Variants in NKAIN3 observed in about 807,000 individuals in gnomAD.
The protein encoded by NKAIN3 is sodium/potassium transporting ATPase interacting 3.
A neutral mutation model predicts 30.2 loss-of-function variants in NKAIN3; 25 were observed. The ratio of observed to expected loss-of-function variants is 0.83; its 90% confidence interval spans 0.60 to 1.16. The LOEUF is 1.16. NKAIN3 is among the 50% of genes most tolerant of loss of function. The pLI is 0.00. For missense variants in NKAIN3, 225 were observed against 254.1 expected, an observed-to-expected ratio of 0.89 and a Z score of 0.78; for synonymous variants, 91 against 89.6, an observed-to-expected ratio of 1.02 and a Z score of -0.09.
rs113189405 is a variant in NKAIN3 at position 62,295,096 on chromosome 8, C to A, written c.54+45969C>A. ...GGAGGGTATAACAAATCAAGGAGTA[C>A]TTTGAAAGGAGGCACAACCTTAAAT... is the stretch of plus-strand genomic sequence containing the variant. On this transcript the variant is annotated intron_variant, in intron 1 of 6. Transcript: ENST00000623646. Among the ~76,000 whole-genome samples, 944 of 152,234 alleles carry A rather than the reference C, an allele frequency of 6.2e-3. 8 individuals carry two copies. Among genetic ancestry groups the A allele is most frequent in the African/African-American group, 0.022 (901 of 41,530 alleles).
At chr8:62,943,757 ATATAT>A (rs200079391) in intron 5 of NKAIN3, among the ~76,000 whole-genome samples, 1,640 of 147,978 alleles carry the variant, frequency 0.011, 15 homozygotes, top group Non-Finnish European at 0.017. Context: ...TATTTATATG[ATATAT>A]TATATTATAT....
chr8:62,705,342 A>G (rs1312621440), intron 3 of NKAIN3, among the ~76,000 whole-genome samples: 3 of 152,182 alleles, frequency 2.0e-5, no homozygotes, highest in Admixed American at 1.3e-4. Flanking sequence ...AGACCAACTG[A>G]ACAGAGACCC....
At chr8:62,700,989 G>A (rs973518186) in intron 3 of NKAIN3, among the ~76,000 whole-genome samples, 3 of 152,118 alleles carry the variant, frequency 2.0e-5, no homozygotes, top group Non-Finnish European at 4.4e-5. Context: ...TATCTTAACT[G>A]TAAAATTATA....
At chr8:62,860,394 AG>A (rs1303480892) in intron 4 of NKAIN3, among the ~76,000 whole-genome samples, 1 of 152,152 alleles carries the variant, frequency 6.6e-6, no homozygotes, top group Admixed American at 6.6e-5. Context: ...CACTCACTCA[AG>A]GGGCTGTTGA....
At chr8:62,942,811 G>A (rs929128151) in intron 5 of NKAIN3, among the ~76,000 whole-genome samples, 4 of 152,116 alleles carry the variant, frequency 2.6e-5, no homozygotes, top group African/African-American at 9.7e-5. Context: ...ATGGTGCTGG[G>A]ATAATCGGCA....
intron 4 of NKAIN3, among the ~76,000 whole-genome samples, chr8:62,787,387 A>G (rs1255283029): frequency 6.6e-6 from 1 of 152,176 alleles, no homozygotes; most frequent in Non-Finnish European, 1.5e-5. Flanking sequence ...ATAGTCAAAA[A>G]TAAGAGAAAG....
At chr8:62,437,196 C>T (rs1805197529) in intron 1 of NKAIN3, among the ~76,000 whole-genome samples, 1 of 151,974 alleles carries the variant, frequency 6.6e-6, no homozygotes, top group Admixed American at 6.6e-5. Flanking sequence ...ATGAAAAGTC[C>T]TGAGACCATT....
intron 4 of NKAIN3, among the ~76,000 whole-genome samples, chr8:62,814,905 G>A (rs1029672283): frequency 6.6e-6 from 1 of 152,002 alleles, no homozygotes; most frequent in African/African-American, 2.4e-5. Context: ...AGGAAATAGA[G>A]ACACAAAAAC....
At chr8:62,672,021 T>G (rs1161869721) in intron 3 of NKAIN3, among the ~76,000 whole-genome samples, 1 of 152,118 alleles carries the variant, frequency 6.6e-6, no homozygotes, top group Non-Finnish European at 1.5e-5. Flanking sequence ...GTAGGTCATG[T>G]GTCCCATCTC....
chr8:62,306,274 C>T (rs922878915), intron 1 of NKAIN3, among the ~76,000 whole-genome samples: 2 of 149,920 alleles, frequency 1.3e-5, no homozygotes, highest in Non-Finnish European at 2.9e-5. Flanking sequence ...TCAAGGAGTT[C>T]TTGAAAGGAG....
intron 1 of NKAIN3, among the ~76,000 whole-genome samples, chr8:62,452,745 G>A (rs931610845): frequency 3.9e-5 from 6 of 151,948 alleles, no homozygotes; most frequent in African/African-American, 1.5e-4. Context: ...ATTGAAAGTG[G>A]TATATGGCTT....
In NKAIN3 at chr8:62,567,719, G is replaced by A. The variant is rs560161737; in HGVS notation, c.55-11820G>A. On this transcript the variant is annotated intron_variant, in intron 1 of 6. Transcript: ENST00000623646. The stretch of plus-strand genomic sequence containing the variant: ...TAGAAGCTGGAAAAGTTAAAAAAAA[G>A]GAAGTCTCCCCTATGGCCTCCAGAA... 1.3e-4 allele frequency among the ~76,000 whole-genome samples: 20 copies of A among 152,118 alleles called. No homozygotes were observed. The East Asian group carries it at 3.7e-3, about 28-fold the overall frequency.
chr8:62,583,035 G>A (rs980983855), intron 2 of NKAIN3, among the ~76,000 whole-genome samples: 3 of 152,170 alleles, frequency 2.0e-5, no homozygotes, highest in Admixed American at 1.3e-4. Context: ...TTCCATACAC[G>A]TTAATGGTGA....
At chr8:62,721,862 T>G (rs1005454597) in intron 3 of NKAIN3, among the ~76,000 whole-genome samples, 1 of 152,176 alleles carries the variant, frequency 6.6e-6, no homozygotes, top group Non-Finnish European at 1.5e-5. Context: ...TTCAGACACC[T>G]TGAAACATGT....
At chr8:62,420,403 A>G (rs1804597927) in intron 1 of NKAIN3, among the ~76,000 whole-genome samples, 1 of 152,152 alleles carries the variant, frequency 6.6e-6, no homozygotes, top group Admixed American at 6.6e-5. Flanking sequence ...CCAAGCATTC[A>G]TTTTTTAAAA....
intron 1 of NKAIN3, among the ~76,000 whole-genome samples, chr8:62,558,598 T>G (rs1470310122): frequency 6.6e-6 from 1 of 152,104 alleles, no homozygotes; most frequent in Non-Finnish European, 1.5e-5. Flanking sequence ...GCTAACATTA[T>G]GATTCATAAG....
intron 3 of NKAIN3, among the ~76,000 whole-genome samples, chr8:62,591,621 T>C (rs1251298195): frequency 1.3e-5 from 2 of 152,002 alleles, no homozygotes; most frequent in Admixed American, 6.6e-5. Context: ...GGGGACAAGG[T>C]TGAAAACATG....
Position 62,953,888 on chromosome 8 carries a change from TGTTATATTTTCA to T in NKAIN3, c.533-10_534del. The stretch of plus-strand genomic sequence containing the variant: ...TTTACACACTTATTCATATGGCCTA[TGTTATATTTTCA>T]GTTGATTTCATAGGTGGACTTGATA... On this transcript the variant is annotated splice_acceptor_variant and splice_polypyrimidine_tract_variant and intron_variant, in intron 5 of 6. Transcript: ENST00000623646. LOFTEE classifies it high-confidence loss of function. The T allele has an allele frequency of 1.1e-6, 1 of 900,346 alleles. No homozygotes were observed. Among genetic ancestry groups the T allele is most frequent in the Non-Finnish European group, 1.3e-6 (1 of 751,984 alleles). 55.8% of individuals were successfully genotyped at this position (900,346 alleles called of 1,614,324 possible). A position where few individuals can be genotyped will look rare whatever the true frequency, so the allele number is the denominator to read the frequency against.
intron 6 of NKAIN3, among the ~76,000 whole-genome samples, chr8:62,957,160 G>A (rs891735216): frequency 6.6e-6 from 1 of 151,238 alleles, no homozygotes; most frequent in Non-Finnish European, 1.5e-5. Context: ...TTAAGACGGA[G>A]TCTTGCTCTT....
Sources: allele counts gnomAD v4.1 joint callset (sites outside exome capture counted in the v4.1 genomes callset), GRCh38; gene constraint gnomAD v4.1.1; transcripts MANE v1.5; gene names NCBI Gene and HGNC (gene_info 2026-07-23, HGNC 2026-07-21).